DSG3: variants seen among roughly 807,000 people sequenced by gnomAD.
The protein encoded by DSG3 is desmoglein 3, also known as desmoglein-3.
A neutral mutation model predicts 85.9 loss-of-function variants in DSG3; 63 were observed. The ratio of observed to expected loss-of-function variants is 0.73; its 90% confidence interval spans 0.60 to 0.90. The LOEUF (loss-of-function observed/expected upper bound fraction) is 0.90. DSG3 is among the 40% of genes least tolerant of loss of function. The pLI is 0.00. For missense variants in DSG3, 1,220 were observed against 1,219.9 expected, an observed-to-expected ratio of 1.00 and a Z score of 0.00; for synonymous variants, 447 against 441.9, an observed-to-expected ratio of 1.01 and a Z score of -0.14.
intron 1 of DSG3, among the ~76,000 whole-genome samples, chr18:31,454,098 A>G (rs951163012): frequency 6.6e-6 from 1 of 152,208 alleles, no homozygotes; most frequent in Admixed American, 6.5e-5. Context: ...TCTGAAGATC[A>G]TTGCAATATT....
intron 12 of DSG3, among the ~76,000 whole-genome samples, chr18:31,470,879 A>G (rs925950948): frequency 1.3e-5 from 2 of 152,244 alleles, no homozygotes; most frequent in African/African-American, 4.8e-5. Context: ...GAAATTGTGG[A>G]AAGTGAAGGA....
intron 9 of DSG3, among the ~76,000 whole-genome samples, 193 bp from the exon 10 acceptor site, chr18:31,465,125 C>CAA (rs60929557): frequency 6.9e-5 from 8 of 115,844 alleles, no homozygotes; most frequent in Admixed American, 1.8e-4. Context: ...AACTCCGTCT[C>CAA]AAAAAAAAAA....
chr18:31,460,549 A>G (rs1286690904), intron 6 of DSG3, among the ~76,000 whole-genome samples: 1 of 152,116 alleles, frequency 6.6e-6, no homozygotes, highest in Non-Finnish European at 1.5e-5. Flanking sequence ...GGCTTTCCCA[A>G]TAGACTAACA....
rs561995040 is a variant in DSG3 at position 31,449,654 on chromosome 18, T to C, written c.48+1729T>C. The stretch of plus-strand genomic sequence containing the variant: ...AATGAATGATTTAATGAGCCTTCTC[T>C]AAACTAAAAAACCCCCGCACAATGT... On this transcript the variant is annotated intron_variant, in intron 1 of 15. Transcript: ENST00000257189. 1.6e-4 allele frequency among the ~76,000 whole-genome samples: 25 copies of C among 152,318 alleles called. No homozygotes were observed. The East Asian group carries it at 1.7e-3, about 11-fold the overall frequency.
chr18:31,454,891 G>A (rs1021381851), intron 1 of DSG3, among the ~76,000 whole-genome samples: 7 of 151,706 alleles, frequency 4.6e-5, no homozygotes, highest in Non-Finnish European at 7.4e-5. Flanking sequence ...CCTGTTACTC[G>A]GGAGGCTAAG....
At chr18:31,464,019 C>T in intron 8 of DSG3, 92 bp from the exon 9 acceptor site, 1 of 1,168,264 alleles carries the variant, frequency 8.6e-7, no homozygotes. Context: ...AGAATTCATT[C>T]ACAGCATCTT....
rs78419295 is a variant in DSG3 at position 31,476,357 on chromosome 18, T to A, written c.*97T>A. On this transcript the variant is annotated 3_prime_UTR_variant, in exon 16 of 16. Coordinates refer to ENST00000257189, the MANE Select transcript of DSG3 (RefSeq NM_001944.3). The stretch of plus-strand genomic sequence containing the variant: ...AAGCTCACTGTATTGGGCTAATAAT[T>A]TGGCACTTATTAGCTTCTCTCATAA... The A allele has an allele frequency of 8.5e-5, 122 of 1,428,786 alleles. No homozygotes were observed. In the East Asian group the frequency reaches 1.1e-3, roughly 13 times the overall value. 88.5% of individuals were successfully genotyped at this position (1,428,786 alleles called of 1,614,324 possible).
chr18:31,469,277 G>A lies in DSG3; in HGVS notation c.1825G>A (p.Gly609Ser), dbSNP rs759625854. The change falls in exon 12 of 16, where the codon GGC becomes AGC. Residue 609 changes from glycine (G) to serine (S), a missense_variant. Gly to Ser is a moderately conservative substitution (Grantham distance 56, BLOSUM62 0). Transcript: ENST00000257189. ...AACCACAAGCCCTGGGACCAGGTAT[G>A]GCAGGCCGCACTCAGGGAGGCTGGG... is the stretch of plus-strand genomic sequence containing the variant. ...YPTTSPGTRY[G>S]RPHSGRLGPA... is the part of the protein sequence containing the mutation. The A allele has an allele frequency of 3.1e-6, 5 of 1,614,052 alleles. No homozygotes were observed. The highest frequency in any genetic ancestry group is 4.2e-6 in the Non-Finnish European group (5 of 1,179,994).
Position 31,464,303 on chromosome 18 carries a change from A to G in DSG3, c.1192A>G (p.Ser398Gly), listed in dbSNP as rs766135280. 1.2e-6 allele frequency: 2 copies of G among 1,614,204 alleles called. No individual in the cohort carries two copies. The highest frequency in any genetic ancestry group is 1.7e-6 in the Non-Finnish European group (2 of 1,180,012). Residue 398 changes from serine (S) to glycine (G), a missense_variant, in exon 9 of 16, where the codon AGC becomes GGC. Coordinates refer to ENST00000257189, the MANE Select transcript of DSG3 (RefSeq NM_001944.3). ...KTFTVQKGIS[S>G]KKLVDYILGT... ...ATTTACTGTGCAAAAAGGCATAAGT[A>G]GCAAAAAATTGGTGGATTATATCCT...
chr18:31,469,077 CT>C lies in DSG3; in HGVS notation c.1637-9del. On this transcript the variant is annotated splice_polypyrimidine_tract_variant and intron_variant, in intron 11 of 15. Coordinates refer to ENST00000257189, the MANE Select transcript of DSG3 (RefSeq NM_001944.3). The stretch of plus-strand genomic sequence containing the variant: ...CGTCCTACTGTTGATTTGCATGATT[CT>C]TTCTCTACAGCTACCTCGGCCCTCC... 1 of 1,610,912 alleles carries C rather than the reference CT, an allele frequency of 6.2e-7. No individual in the cohort carries two copies. The highest frequency in any genetic ancestry group is 8.5e-7 in the Non-Finnish European group (1 of 1,177,200).
rs770294973 is a variant in DSG3 at position 31,474,353 on chromosome 18, C to G, written c.2334C>G (p.Asp778Glu). Reference protein sequence around the residue: ...TRHSTGGTNKDYADGAISMNF... With the variant: ...TRHSTGGTNKEYADGAISMNF... ...ATTCCACTGGAGGAACCAATAAGGA[C>G]TACGCTGATGGGGCGATAAGCATGA... The change falls in exon 15 of 16, where the codon GAC becomes GAG. Residue 778 changes from aspartate (D) to glutamate (E), a missense_variant. Coordinates refer to ENST00000257189, the MANE Select transcript of DSG3 (RefSeq NM_001944.3). 95 of 1,614,060 alleles carry G rather than the reference C, an allele frequency of 5.9e-5. 3 individuals are homozygous for G. In the South Asian group the frequency reaches 1.0e-3, roughly 18 times the overall value.
intron 7 of DSG3, 51 bp from the exon 8 acceptor site, chr18:31,461,176 T>A: frequency 6.8e-7 from 1 of 1,462,288 alleles, no homozygotes; most frequent in South Asian, 1.3e-5. Flanking sequence ...ACATAATCTC[T>A]CCATGTAAAA....
Position 31,475,935 on chromosome 18 carries a change from A to G in DSG3, c.2675A>G (p.Gln892Arg), listed in dbSNP as rs1221811040. Residue 892 changes from glutamine to arginine, a missense_variant, in exon 16 of 16, where the codon CAG becomes CGG. Gln to Arg is a conservative substitution (Grantham distance 43). Transcript: ENST00000257189. ...TGTGGCCATCCCATAGAAGTCCAGCAGACAGGATTTGTTAAGTGCCAGACT... is the reference window on the plus strand; with the variant it reads ...TGTGGCCATCCCATAGAAGTCCAGCGGACAGGATTTGTTAAGTGCCAGACT... ...ESCGHPIEVQ[Q>R]TGFVKCQTLS... is the part of the protein sequence containing the mutation. The G allele has an allele frequency of 6.2e-7, 1 of 1,614,246 alleles. No individual in the cohort carries two copies. Among genetic ancestry groups the G allele is most frequent in the Admixed American group, 1.7e-5 (1 of 60,024 alleles).
rs1289336763 is a variant in DSG3 at position 31,477,851 on chromosome 18, G to C, written c.*1591G>C. 9.9e-5 allele frequency: 15 copies of C among 152,124 alleles called. No homozygotes were observed. The highest frequency in any genetic ancestry group is 9.8e-4 in the Admixed American group (15 of 15,272). 9.4% of individuals were successfully genotyped at this position (152,124 alleles called of 1,614,324 possible). ...TTATCAGCCTCCATTATTCCTTACT[G>C]TATATAAAATACAGAGTTTTATATT... On this transcript the variant is annotated 3_prime_UTR_variant, in exon 16 of 16. Coordinates refer to ENST00000257189, the MANE Select transcript of DSG3 (RefSeq NM_001944.3).
chr18:31,478,133 A>G lies in DSG3; in HGVS notation c.*1873A>G, dbSNP rs2072900611. 1 of 152,110 alleles carries G rather than the reference A, an allele frequency of 6.6e-6. No homozygotes were observed. Among genetic ancestry groups the G allele is most frequent in the African/African-American group, 2.4e-5 (1 of 41,398 alleles). The allele number at this position is 152,110 out of a possible 1,614,324, so 9.4% of individuals were successfully genotyped here. A position where few individuals can be genotyped will look rare whatever the true frequency, so the allele number is the denominator to read the frequency against. On this transcript the variant is annotated 3_prime_UTR_variant, in exon 16 of 16. Transcript: ENST00000257189. ...GGGTGCTGCTGCAACAAGGCTTTCA[A>G]TGTGCCCATCTTAGGTGGGAGAAGC...
intron 1 of DSG3, among the ~76,000 whole-genome samples, chr18:31,452,650 C>T (rs1449582464): frequency 6.6e-6 from 1 of 150,880 alleles, no homozygotes; most frequent in Non-Finnish European, 1.5e-5. Context: ...CACCTATGTG[C>T]TTTACACCTA....
intron 1 of DSG3, among the ~76,000 whole-genome samples, chr18:31,455,668 G>A (rs543095861): frequency 1.3e-5 from 2 of 152,304 alleles, no homozygotes; most frequent in East Asian, 3.9e-4. Flanking sequence ...ATGCATGCCA[G>A]GCAGAACAGA....
At chr18:31,475,035 C>A (rs765412238) in intron 15 of DSG3, among the ~76,000 whole-genome samples, 4 of 151,992 alleles carry the variant, frequency 2.6e-5, no homozygotes, top group Non-Finnish European at 5.9e-5. Context: ...GAATTAATGA[C>A]CCCCAAAAAA....
rs760490897 is a variant in DSG3, at chr18:31,457,036, C to A, written c.128C>A (p.Ala43Asp). The stretch of plus-strand genomic sequence containing the variant: ...GAAGAAGAGATGACTATGCAACAAG[C>A]TAAAAGAAGGCAAAAACGTGAATGG... ...YDEEEMTMQQ[A>D]KRRQKREWVK... Residue 43 changes from alanine to aspartate, a missense_variant, in exon 3 of 16, where the codon GCT (alanine) becomes GAT (aspartate). Coordinates refer to ENST00000257189, the MANE Select transcript of DSG3 (RefSeq NM_001944.3). The A allele has an allele frequency of 6.2e-7, 1 of 1,613,054 alleles. No homozygotes were observed. Among genetic ancestry groups the A allele is most frequent in the South Asian group, 1.1e-5 (1 of 90,964 alleles).
Sources: gnomAD v4.1 joint callset for allele counts (sites outside exome capture counted in the v4.1 genomes callset) on GRCh38, gnomAD v4.1.1 for gene constraint, MANE v1.5 for transcripts, NCBI Gene and HGNC (gene_info 2026-07-23, HGNC 2026-07-21) for gene names.